Variants in SLAIN2 observed in about 807,000 individuals in gnomAD.
The protein encoded by SLAIN2 is SLAIN motif-containing protein 2.
In SLAIN2, 31 loss-of-function variants were observed where a neutral mutation model predicts 56.6. The ratio of observed to expected loss-of-function variants is 0.55; its 90% CI spans 0.41 to 0.74. The LOEUF (loss-of-function observed/expected upper bound fraction) is 0.74, where lower values mean the gene tolerates loss of function less well. SLAIN2 is among the 30% of genes least tolerant of loss of function. SLAIN2 has a pLI of 0.00. For synonymous variants in SLAIN2, 317 were observed against 284.9 expected, an observed-to-expected ratio of 1.11 and a Z score of -1.13; for missense variants, 777 against 754.2, an observed-to-expected ratio of 1.03 and a Z score of -0.35.
Position 48,341,718 on chromosome 4 carries a change from CGGCGGCGGCGGCGGG to C in SLAIN2, c.-20_-6del. 6.8e-7 allele frequency: 1 copy of C among 1,467,880 alleles called. No individual in the cohort carries two copies. Among genetic ancestry groups the C allele is most frequent in the Non-Finnish European group, 9.1e-7 (1 of 1,103,324 alleles). 90.9% of individuals were successfully genotyped at this position (1,467,880 alleles called of 1,614,324 possible). A position where few individuals can be genotyped will look rare whatever the true frequency, so the allele number is the denominator to read the frequency against. On this transcript the variant is annotated 5_prime_UTR_variant, in exon 1 of 8. Transcript: ENST00000264313. ...TGCGAGAGCGAGCGGGCGGCGGAGG[CGGCGGCGGCGGCGGG>C]GCCGGGATGGAGGACGTTAACTCCA...
intron 1 of SLAIN2, among the ~76,000 whole-genome samples, chr4:48,360,134 G>C (rs1715279988): frequency 6.7e-6 from 1 of 148,586 alleles, no homozygotes; most frequent in African/African-American, 2.5e-5. Context: ...AGCCTGGGTG[G>C]CAGAGCGAGA....
chr4:48,425,753 A>G lies in SLAIN2; in HGVS notation c.*3676A>G, dbSNP rs1411564163. 2.6e-5 allele frequency: 4 copies of G among 152,182 alleles called. No homozygotes were observed. The highest frequency in any genetic ancestry group is 2.9e-5 in the Non-Finnish European group (2 of 68,018). The allele number at this position is 152,182 out of a possible 1,614,324, so 9.4% of individuals were successfully genotyped here. On this transcript the variant is annotated 3_prime_UTR_variant, in exon 8 of 8. Transcript: ENST00000264313. The stretch of plus-strand genomic sequence containing the variant: ...TACTCAGTGCAACAGAAAAACCCAT[A>G]TGGAGGTTCAACCACTGATGTATTT...
At chr4:48,383,920 T>C in intron 6 of SLAIN2, 136 bp downstream of exon 6, 1 of 881,370 alleles carries the variant, frequency 1.1e-6, no homozygotes, top group African/African-American at 1.7e-5. Flanking sequence ...AAATTTAGTG[T>C]TTATTAGTTG....
At chr4:48,360,791 C>G (rs893079280) in intron 1 of SLAIN2, among the ~76,000 whole-genome samples, 3 of 152,162 alleles carry the variant, frequency 2.0e-5, no homozygotes, top group Non-Finnish European at 4.4e-5. Flanking sequence ...CCTCATCTAT[C>G]CCCAGGCAAC....
rs187857545 is a variant in SLAIN2 at position 48,423,338 on chromosome 4, T to G, written c.*1261T>G. On this transcript the variant is annotated 3_prime_UTR_variant, in exon 8 of 8. Transcript: ENST00000264313. ...ACTTGCTCTCTAATGGCTCTTAATA[T>G]ATCCTTGAAATCGGCTATTTCAATT... 1.7e-3 allele frequency: 259 copies of G among 152,270 alleles called. 1 individual carries two copies. The highest frequency in any genetic ancestry group is 6.0e-3 in the African/African-American group (249 of 41,562). The allele number at this position is 152,270 out of a possible 1,614,324, so 9.4% of individuals were successfully genotyped here.
intron 1 of SLAIN2, among the ~76,000 whole-genome samples, chr4:48,353,401 G>A (rs1176282313): frequency 6.6e-6 from 1 of 151,746 alleles, no homozygotes; most frequent in Non-Finnish European, 1.5e-5. Flanking sequence ...TGGTTGGAAA[G>A]CTTCATGAAA....
rs370577434 is a variant in SLAIN2 at position 48,386,836 on chromosome 4, AT to A, written c.1360+3055del. On this transcript the variant is annotated intron_variant, in intron 6 of 7. Coordinates refer to ENST00000264313, the MANE Select transcript of SLAIN2 (RefSeq NM_020846.2). ...TCTGGCTTCTTTTTTCCCCTGACAC[AT>A]TTGGCTGATGCAAAAAAAACCACCC... Among the ~76,000 whole-genome samples, 31 of 152,256 alleles carry A rather than the reference AT, an allele frequency of 2.0e-4. No individual in the cohort carries two copies. In the East Asian group the frequency reaches 5.4e-3, roughly 26 times the overall value.
intron 1 of SLAIN2, among the ~76,000 whole-genome samples, chr4:48,358,571 C>T (rs1276480407): frequency 6.6e-6 from 1 of 152,174 alleles, no homozygotes; most frequent in Non-Finnish European, 1.5e-5. Flanking sequence ...CTGCCTCAGT[C>T]TCCCAGAGTG....
intron 6 of SLAIN2, among the ~76,000 whole-genome samples, chr4:48,416,658 A>C (rs1455913063): frequency 6.6e-6 from 1 of 151,776 alleles, no homozygotes; most frequent in Non-Finnish European, 1.5e-5. Flanking sequence ...ACTATCTCTC[A>C]GACCACAGTG....
intron 2 of SLAIN2, among the ~76,000 whole-genome samples, chr4:48,373,193 C>T (rs1053615090): frequency 2.0e-5 from 3 of 152,132 alleles, no homozygotes; most frequent in African/African-American, 7.2e-5. Context: ...AATGTACAGT[C>T]CTGTGGCATT....
In SLAIN2 at chr4:48,369,924, T is replaced by G; in HGVS notation, c.465T>G (p.Val155=). ...SVSPLVWCRQ[V]LDYPSPDVEC... ...GTCCATTAGTTTGGTGCAGGCAAGT[T>G]TTGGATTACCCAAGTCCTGATGTTG... is the stretch of plus-strand genomic sequence containing the variant. The change falls in exon 2 of 8, where the codon GTT becomes GTG. Residue 155 remains valine (V), a synonymous_variant. Coordinates refer to ENST00000264313, the MANE Select transcript of SLAIN2 (RefSeq NM_020846.2). 6.2e-7 allele frequency: 1 copy of G among 1,613,776 alleles called. No homozygotes were observed. Among genetic ancestry groups the G allele is most frequent in the South Asian group, 1.1e-5 (1 of 91,076 alleles).
At chr4:48,382,988 G>A in intron 5 of SLAIN2, 61 bp downstream of exon 5, 1 of 1,468,732 alleles carries the variant, frequency 6.8e-7, no homozygotes, top group South Asian at 1.4e-5. Flanking sequence ...AACATAGCAA[G>A]ACCCCGTCTC....
At chr4:48,377,824 G>T in intron 2 of SLAIN2, 72 bp from the exon 3 acceptor site, 1 of 1,413,428 alleles carries the variant, frequency 7.1e-7, no homozygotes, top group South Asian at 1.3e-5. Context: ...TTTCTAATAG[G>T]AAAACTTCAG....
chr4:48,378,137 T>G, intron 3 of SLAIN2, 77 bp downstream of exon 3: 1 of 1,454,944 alleles, frequency 6.9e-7, no homozygotes. Flanking sequence ...AACATTCATC[T>G]GCAGTTCGAG....
intron 1 of SLAIN2, among the ~76,000 whole-genome samples, chr4:48,346,051 A>C (rs1240984730): frequency 6.6e-6 from 1 of 152,212 alleles, no homozygotes; most frequent in Non-Finnish European, 1.5e-5. Flanking sequence ...TCTTACCTAC[A>C]ATGAAGAATA....
At chr4:48,383,888 G>T in intron 6 of SLAIN2, 104 bp downstream of exon 6, 3 of 1,257,550 alleles carry the variant, frequency 2.4e-6, no homozygotes, top group Non-Finnish European at 3.3e-6. Context: ...CTGAAAAACC[G>T]TTTTAAACCA....
At chr4:48,363,749 A>AC (rs542545126) in intron 1 of SLAIN2, among the ~76,000 whole-genome samples, 54 of 65,082 alleles carry the variant, frequency 8.3e-4, no homozygotes, top group South Asian at 3.1e-3. Context: ...CGGGGGGCTG[A>AC]CCCCCCCCAC....
rs143756713 is a variant in SLAIN2, at chr4:48,367,385, A to G, written c.390-2464A>G. ...ATTGTCTCCCTTTTCATCACTATGAATAAGTGTGGACAAGTTGCTTTAATC... is the reference window on the plus strand; with the variant it reads ...ATTGTCTCCCTTTTCATCACTATGAGTAAGTGTGGACAAGTTGCTTTAATC... On this transcript the variant is annotated intron_variant, in intron 1 of 7. Coordinates refer to ENST00000264313, the MANE Select transcript of SLAIN2 (RefSeq NM_020846.2). Among the ~76,000 whole-genome samples, 27 of 152,350 alleles carry G rather than the reference A, an allele frequency of 1.8e-4. 1 individual carries two copies. The highest frequency in any genetic ancestry group is 6.3e-4 in the African/African-American group (26 of 41,576).
chr4:48,348,317 A>G (rs1231057935), intron 1 of SLAIN2, among the ~76,000 whole-genome samples: 1 of 152,214 alleles, frequency 6.6e-6, no homozygotes, highest in East Asian at 1.9e-4. Context: ...CGATGTTACA[A>G]AGAAGTAAAA....
Sources: gnomAD v4.1 joint callset for allele counts (sites outside exome capture counted in the v4.1 genomes callset) on GRCh38, gnomAD v4.1.1 for gene constraint, MANE v1.5 for transcripts, NCBI Gene and HGNC (gene_info 2026-07-23, HGNC 2026-07-21) for gene names.